Variants in NEGR1 observed in about 807,000 individuals in gnomAD.
The protein encoded by NEGR1 is IgLON family member 4.
NEGR1 carries 10 observed loss-of-function variants against 40.9 expected under a neutral mutation model. The ratio of observed to expected loss-of-function variants is 0.24; its 90% CI spans 0.15 to 0.42. The LOEUF is 0.42. NEGR1 is among the 10% of genes least tolerant of loss of function. NEGR1 has a pLI of 1.00. For synonymous variants in NEGR1, 185 were observed against 166.8 expected (o/e 1.11, Z -0.84); for missense variants, 352 against 438.9 (o/e 0.80, Z 1.77).
chr1:72,001,085 T>C (rs1646553592), intron 1 of NEGR1, among the ~76,000 whole-genome samples: 1 of 152,104 alleles, frequency 6.6e-6, no homozygotes, highest in South Asian at 2.1e-4. Flanking sequence ...GCTAAGGGCC[T>C]GCATGTGCAC....
At chr1:72,012,658 T>TC (rs1646667173) in intron 1 of NEGR1, among the ~76,000 whole-genome samples, 1 of 151,966 alleles carries the variant, frequency 6.6e-6, no homozygotes. Flanking sequence ...AGCCAGACCC[T>TC]CTTTTTTTTC....
intron 1 of NEGR1, among the ~76,000 whole-genome samples, chr1:72,201,534 A>C (rs1319990685): frequency 6.6e-6 from 1 of 151,900 alleles, no homozygotes; most frequent in African/African-American, 2.4e-5. Flanking sequence ...TAAAATGAGA[A>C]AAATATGGAC....
intron 2 of NEGR1, among the ~76,000 whole-genome samples, chr1:71,865,119 C>T (rs1043565273): frequency 2.0e-5 from 3 of 152,168 alleles, no homozygotes; most frequent in African/African-American, 7.2e-5. Context: ...ATGATTAGAA[C>T]TTCCCAGTGG....
At chr1:72,097,853 C>T (rs1336171505) in intron 1 of NEGR1, among the ~76,000 whole-genome samples, 1 of 152,120 alleles carries the variant, frequency 6.6e-6, no homozygotes, top group Non-Finnish European at 1.5e-5. Flanking sequence ...ACAGAGATCT[C>T]TGGGATCATT....
intron 1 of NEGR1, among the ~76,000 whole-genome samples, chr1:71,975,138 A>C (rs1646290477): frequency 1.3e-5 from 2 of 152,340 alleles, no homozygotes; most frequent in East Asian, 3.9e-4. Context: ...TTTTCCAAAG[A>C]AGCACATAAA....
intron 2 of NEGR1, among the ~76,000 whole-genome samples, chr1:71,809,358 C>G (rs1657900740): frequency 6.6e-6 from 1 of 152,156 alleles, no homozygotes; most frequent in Non-Finnish European, 1.5e-5. Context: ...ATTTATCTTG[C>G]TTTTCAAAGA....
intron 1 of NEGR1, among the ~76,000 whole-genome samples, chr1:72,211,383 T>G (rs1180286756): frequency 3.3e-5 from 5 of 151,578 alleles, no homozygotes; most frequent in Non-Finnish European, 5.9e-5. Flanking sequence ...AAGTGGTAAA[T>G]GAACCAGATT....
chr1:71,601,407 T>C (rs1649915314), intron 5 of NEGR1, among the ~76,000 whole-genome samples: 1 of 152,232 alleles, frequency 6.6e-6, no homozygotes. Context: ...TAAAACACTA[T>C]GGAGATGTCT....
intron 4 of NEGR1, among the ~76,000 whole-genome samples, chr1:71,670,563 C>CT (rs113832378): frequency 0.044 from 6,559 of 148,756 alleles, 450 homozygotes; most frequent in African/African-American, 0.15. Context: ...CAGTTTTTTA[C>CT]TTTTTTTTTT....
intron 1 of NEGR1, among the ~76,000 whole-genome samples, chr1:72,229,698 C>A (rs1024562810): frequency 6.6e-6 from 1 of 151,512 alleles, no homozygotes; most frequent in African/African-American, 2.4e-5. Flanking sequence ...ATCTAATGAA[C>A]AAAGTTTCCA....
chr1:71,729,139 G>T (rs1419825393), intron 3 of NEGR1, among the ~76,000 whole-genome samples: 1 of 151,872 alleles, frequency 6.6e-6, no homozygotes, highest in African/African-American at 2.4e-5. Context: ...CCAAACATAA[G>T]ACTCTCCTAC....
intron 1 of NEGR1, among the ~76,000 whole-genome samples, chr1:72,104,409 TTTAGG>T (rs918216393): frequency 6.6e-6 from 1 of 152,004 alleles, no homozygotes; most frequent in African/African-American, 2.4e-5. Flanking sequence ...ATTGCTGGAT[TTTAGG>T]ATGGAAGAGA....
intron 1 of NEGR1, among the ~76,000 whole-genome samples, chr1:72,115,937 T>A (rs1366765894): frequency 6.6e-6 from 1 of 151,828 alleles, no homozygotes; most frequent in Non-Finnish European, 1.5e-5. Context: ...AAATAGGAGT[T>A]GACTTAAGAG....
chr1:71,617,568 C>A (rs1402265595), intron 4 of NEGR1, among the ~76,000 whole-genome samples: 2 of 152,206 alleles, frequency 1.3e-5, no homozygotes, highest in Non-Finnish European at 2.9e-5. Flanking sequence ...GACGGAGTTG[C>A]TGCCATGACT....
intron 1 of NEGR1, among the ~76,000 whole-genome samples, chr1:72,261,745 G>C (rs1357947098): frequency 6.6e-6 from 1 of 151,912 alleles, no homozygotes; most frequent in Non-Finnish European, 1.5e-5. Flanking sequence ...CATTATCCTA[G>C]GTGAAATAAT....
intron 1 of NEGR1, among the ~76,000 whole-genome samples, chr1:72,236,474 A>G (rs1282057000): frequency 2.6e-5 from 4 of 152,126 alleles, no homozygotes; most frequent in South Asian, 2.1e-4. Flanking sequence ...GCCAAATGTG[A>G]AAACTTTGAA....
At chr1:72,098,046 G>T (rs1307304738) in intron 1 of NEGR1, among the ~76,000 whole-genome samples, 1 of 152,114 alleles carries the variant, frequency 6.6e-6, no homozygotes, top group Non-Finnish European at 1.5e-5. Context: ...ATTTGTCTGT[G>T]TTGTAGGGTC....
At chr1:72,078,634 TA>T (rs1296997285) in intron 1 of NEGR1, among the ~76,000 whole-genome samples, 3 of 147,520 alleles carry the variant, frequency 2.0e-5, no homozygotes, top group African/African-American at 7.5e-5. Flanking sequence ...TATATATATA[TA>T]TATTTATTTA....
At chr1:71,622,226 T>C (rs1650633727) in intron 4 of NEGR1, among the ~76,000 whole-genome samples, 1 of 151,908 alleles carries the variant, frequency 6.6e-6, no homozygotes, top group African/African-American at 2.4e-5. Flanking sequence ...TGATCTGATC[T>C]CTTCTCTGTT....
Sources: gnomAD v4.1 joint callset for allele counts (sites outside exome capture counted in the v4.1 genomes callset) on GRCh38, gnomAD v4.1.1 for gene constraint, MANE v1.5 for transcripts, NCBI Gene and HGNC (gene_info 2026-07-23, HGNC 2026-07-21) for gene names.